Variants in NCAM2 observed in about 807,000 individuals in gnomAD.
NCAM2 encodes the protein neural cell adhesion molecule 2.
A neutral mutation model predicts 98.1 loss-of-function variants in NCAM2; 30 were observed. The observed-to-expected ratio is 0.31, with a 90% CI of 0.23 to 0.41. NCAM2 has a LOEUF of 0.41. NCAM2 is among the 10% of genes least tolerant of loss of function. The pLI is 1.00. For synonymous variants in NCAM2, 368 were observed against 342.4 expected, an observed-to-expected ratio of 1.07 and a Z score of -0.83; for missense variants, 867 against 1,005.8, an observed-to-expected ratio of 0.86 and a Z score of 1.87.
At chr21:21,436,864 C>T (rs1015715519) in intron 12 of NCAM2, among the ~76,000 whole-genome samples, 4 of 151,318 alleles carry the variant, frequency 2.6e-5, no homozygotes, top group South Asian at 4.2e-4. Flanking sequence ...CGGGTTCAAG[C>T]GATTCTCGTG....
In NCAM2 at chr21:21,538,385, T is replaced by C. The variant is rs1990097045; in HGVS notation, c.*428T>C. ...AGTCCTATTCTGGGCAAATAGATTC[T>C]TAAAGTGGCTTTCAACTTCAAGATG... On this transcript the variant is annotated 3_prime_UTR_variant, in exon 18 of 18. Coordinates refer to ENST00000400546, the MANE Select transcript of NCAM2 (RefSeq NM_004540.5). 6.5e-6 allele frequency: 1 copy of C among 152,744 alleles called. No individual in the cohort carries two copies. Among genetic ancestry groups the C allele is most frequent in the Non-Finnish European group, 1.5e-5 (1 of 68,122 alleles). The allele number at this position is 152,744 out of a possible 1,614,324, so 9.5% of individuals were successfully genotyped here.
intron 9 of NCAM2, among the ~76,000 whole-genome samples, chr21:21,375,637 C>T (rs2076015613): frequency 6.6e-6 from 1 of 151,394 alleles, no homozygotes; most frequent in Non-Finnish European, 1.5e-5. Flanking sequence ...ATTATAAATA[C>T]TTTACACTTT....
At chr21:21,468,242 G>C (rs1983980113) in intron 13 of NCAM2, among the ~76,000 whole-genome samples, 1 of 151,690 alleles carries the variant, frequency 6.6e-6, no homozygotes, top group South Asian at 2.1e-4. Flanking sequence ...TTTACTGGTA[G>C]GTATATATTC....
chr21:21,066,896 G>A (rs551085001), intron 1 of NCAM2, among the ~76,000 whole-genome samples: 2 of 152,052 alleles, frequency 1.3e-5, no homozygotes, highest in South Asian at 4.2e-4. Context: ...TTTGATCTTA[G>A]CAATGGAGAG....
At chr21:21,041,942 A>G (rs918338919) in intron 1 of NCAM2, among the ~76,000 whole-genome samples, 1 of 152,160 alleles carries the variant, frequency 6.6e-6, no homozygotes, top group Non-Finnish European at 1.5e-5. Flanking sequence ...TGTGGCTAAG[A>G]TGGAGAAATA....
chr21:21,132,276 G>A (rs961082295), intron 1 of NCAM2, among the ~76,000 whole-genome samples: 1 of 151,936 alleles, frequency 6.6e-6, no homozygotes, highest in Admixed American at 6.6e-5. Context: ...AGCCTTCCCT[G>A]ACTCCCACCC....
At chr21:21,522,680 G>A (rs747819329) in intron 16 of NCAM2, among the ~76,000 whole-genome samples, 1 of 139,218 alleles carries the variant, frequency 7.2e-6, no homozygotes, top group Non-Finnish European at 1.5e-5. Context: ...GCCCGGTCTG[G>A]AGTGCAGTGG....
At chr21:21,186,095 G>T (rs374570899) in intron 1 of NCAM2, among the ~76,000 whole-genome samples, 104 of 151,660 alleles carry the variant, frequency 6.9e-4, no homozygotes, top group East Asian at 1.7e-3. Flanking sequence ...TGCATGAGGG[G>T]TTTTTTTTGT....
chr21:21,446,262 TTTTTAA>T (rs1178644561), intron 12 of NCAM2, among the ~76,000 whole-genome samples: 3 of 152,088 alleles, frequency 2.0e-5, no homozygotes, highest in Admixed American at 2.0e-4. Context: ...CTTAACATTT[TTTTTAA>T]TTTTATTTCA....
chr21:21,046,421 C>T (rs998409697), intron 1 of NCAM2, among the ~76,000 whole-genome samples: 4 of 152,050 alleles, frequency 2.6e-5, no homozygotes, highest in African/African-American at 9.7e-5. Flanking sequence ...AAATTTTGTT[C>T]AAGATTCTAT....
intron 11 of NCAM2, among the ~76,000 whole-genome samples, chr21:21,420,234 T>C (rs2077083634): frequency 6.6e-6 from 1 of 152,082 alleles, no homozygotes; most frequent in African/African-American, 2.4e-5. Flanking sequence ...TTATTTTGTA[T>C]GTATATGTTA....
chr21:21,101,607 G>A (rs551064837), intron 1 of NCAM2, among the ~76,000 whole-genome samples: 3 of 152,048 alleles, frequency 2.0e-5, no homozygotes, highest in South Asian at 4.1e-4. Context: ...CACAGTGGCC[G>A]TACAGATAAA....
chr21:21,497,468 G>A (rs1987322405), intron 15 of NCAM2, among the ~76,000 whole-genome samples: 1 of 151,916 alleles, frequency 6.6e-6, no homozygotes, highest in African/African-American at 2.4e-5. Context: ...TTCTTGCCCT[G>A]AATCAGATAT....
intron 1 of NCAM2, among the ~76,000 whole-genome samples, chr21:21,181,267 C>G (rs766637146): frequency 1.3e-5 from 2 of 151,968 alleles, no homozygotes; most frequent in African/African-American, 4.8e-5. Context: ...ATATATACAG[C>G]TACTGTATAT....
chr21:21,304,735 G>T (rs1041848299), intron 5 of NCAM2, among the ~76,000 whole-genome samples: 2 of 152,046 alleles, frequency 1.3e-5, no homozygotes, highest in Non-Finnish European at 2.9e-5. Context: ...TTGTCTTCTT[G>T]ACATTATTGA....
At chr21:21,221,373 AG>A (rs368659679) in intron 1 of NCAM2, among the ~76,000 whole-genome samples, 152,301 of 152,302 alleles carry the variant, frequency 1, 76,150 homozygotes, top group Middle Eastern at 1. Flanking sequence ...AAATTTTCCC[AG>A]GGAAGTCATG....
chr21:21,398,119 A>G (rs1297576787), intron 9 of NCAM2, among the ~76,000 whole-genome samples: 2 of 152,252 alleles, frequency 1.3e-5, no homozygotes, highest in Admixed American at 1.3e-4. Context: ...GTAGCAGCCT[A>G]GTTGGATTTG....
chr21:21,358,245 A>G (rs538981747), intron 8 of NCAM2, among the ~76,000 whole-genome samples: 2 of 152,094 alleles, frequency 1.3e-5, no homozygotes, highest in African/African-American at 2.4e-5. Flanking sequence ...TAGTGGGACT[A>G]ACTCACTTTT....
chr21:21,336,457 C>T lies in NCAM2; in HGVS notation c.898+792C>T, dbSNP rs117746904. Among the ~76,000 whole-genome samples, 386 of 151,858 alleles carry T rather than the reference C, an allele frequency of 2.5e-3. 3 individuals carry two copies. The highest frequency in any genetic ancestry group is 4.1e-3 in the Non-Finnish European group (281 of 67,952). On this transcript the variant is annotated intron_variant, in intron 7 of 17. Coordinates refer to ENST00000400546, the MANE Select transcript of NCAM2 (RefSeq NM_004540.5). The stretch of plus-strand genomic sequence containing the variant: ...GGAGGGATAGCATTTGGAGATATAC[C>T]TAATGTTAAATGATGAGTAACTGGG...
Sources: allele counts gnomAD v4.1 joint callset (sites outside exome capture counted in the v4.1 genomes callset), GRCh38; gene constraint gnomAD v4.1.1; transcripts MANE v1.5; gene names NCBI Gene and HGNC (gene_info 2026-07-23, HGNC 2026-07-21).